Variants in MED13L observed in about 807,000 individuals in gnomAD.
MED13L encodes mediator of RNA polymerase II transcription subunit 13-like.
MED13L carries 7 observed loss-of-function variants against 220.9 expected under a neutral mutation model. That is an observed-to-expected ratio of 0.03 (90% CI 0.02 to 0.06). The LOEUF (loss-of-function observed/expected upper bound fraction) is 0.06, where lower values mean the gene tolerates loss of function less well. MED13L is among the 10% of genes least tolerant of loss of function. The probability of loss-of-function intolerance (pLI) is 1.00; values close to 1 mark genes in which losing one functional copy is unlikely to be tolerated. For synonymous variants in MED13L, 1,011 were observed against 1,015.2 expected (o/e 1.00, Z 0.08); for missense variants, 1,965 against 2,760.5 (o/e 0.71, Z 6.46).
At chr12:116,063,482 C>T (rs545310974) in intron 4 of MED13L, among the ~76,000 whole-genome samples, 3 of 152,284 alleles carry the variant, frequency 2.0e-5, no homozygotes, top group South Asian at 2.1e-4. Flanking sequence ...CGTGCCACTG[C>T]ACTTCAGCCT....
intron 13 of MED13L, 47 bp from the exon 14 acceptor site, chr12:116,003,149 A>T: frequency 6.6e-7 from 1 of 1,524,870 alleles, no homozygotes; most frequent in Non-Finnish European, 9.1e-7. Flanking sequence ...GTATATAAGT[A>T]GGGCAGCATT....
At chr12:115,979,600 G>C (rs1033027997) in intron 23 of MED13L, among the ~76,000 whole-genome samples, 1 of 152,140 alleles carries the variant, frequency 6.6e-6, no homozygotes, top group Non-Finnish European at 1.5e-5. Context: ...TTAACTACTT[G>C]CATCATTTTT....
At chr12:116,266,012 A>G (rs910958866) in intron 1 of MED13L, among the ~76,000 whole-genome samples, 1 of 152,228 alleles carries the variant, frequency 6.6e-6, no homozygotes, top group Non-Finnish European at 1.5e-5. Context: ...TAAATAGTGC[A>G]TGCAGATCTT....
At chr12:116,148,051 C>CAAAAAAAAAAAAAAAAAAAAAAAAAAA (rs10678970) in intron 2 of MED13L, among the ~76,000 whole-genome samples, 2 of 18,140 alleles carry the variant, frequency 1.1e-4, no homozygotes, top group Non-Finnish European at 1.9e-4. Context: ...GACCCCATCT[C>CAAAAAAAAAAAAAAAAAAAAAAAAAAA]AAAAAAAAAA....
chr12:116,095,594 A>C (rs1216628624), intron 4 of MED13L, among the ~76,000 whole-genome samples: 1 of 152,202 alleles, frequency 6.6e-6, no homozygotes, highest in Non-Finnish European at 1.5e-5. Flanking sequence ...GAAATTTTGC[A>C]ACCAAAAGAA....
At chr12:116,083,830 C>A (rs571619730) in intron 4 of MED13L, among the ~76,000 whole-genome samples, 1 of 152,296 alleles carries the variant, frequency 6.6e-6, no homozygotes, top group Non-Finnish European at 1.5e-5. Context: ...GTACCTTCAA[C>A]TGATTCTGAA....
chr12:116,234,789 T>C (rs1040479900), intron 2 of MED13L, among the ~76,000 whole-genome samples: 1 of 151,964 alleles, frequency 6.6e-6, no homozygotes, highest in African/African-American at 2.4e-5. Context: ...ACCCGAGTAG[T>C]TGGAATTACA....
At chr12:116,240,144 G>A (rs570406687) in intron 1 of MED13L, among the ~76,000 whole-genome samples, 7 of 150,768 alleles carry the variant, frequency 4.6e-5, no homozygotes, top group Non-Finnish European at 8.8e-5. Flanking sequence ...ATGGAGCCTC[G>A]CTCTGTCACC....
intron 1 of MED13L, among the ~76,000 whole-genome samples, chr12:116,256,973 C>T (rs1872117896): frequency 6.6e-6 from 1 of 152,154 alleles, no homozygotes; most frequent in African/African-American, 2.4e-5. Context: ...CCGTGCCCAG[C>T]CCAAAACAAA....
intron 1 of MED13L, among the ~76,000 whole-genome samples, chr12:116,269,007 T>C (rs1441628661): frequency 2.6e-5 from 4 of 152,224 alleles, no homozygotes; most frequent in African/African-American, 9.6e-5. Context: ...TAGGTAAACA[T>C]GTGCCATGGT....
At chr12:116,016,070 G>C (rs1240226564) in intron 7 of MED13L, among the ~76,000 whole-genome samples, 1 of 151,932 alleles carries the variant, frequency 6.6e-6, no homozygotes, top group African/African-American at 2.4e-5. Flanking sequence ...TCTTATATAA[G>C]ACAAATACTA....
At chr12:116,256,682 CT>C (rs35608298) in intron 1 of MED13L, among the ~76,000 whole-genome samples, 79 of 96,250 alleles carry the variant, frequency 8.2e-4, no homozygotes, top group Middle Eastern at 6.8e-3. Flanking sequence ...AAACAAACTA[CT>C]TTTTTTTTTT....
intron 4 of MED13L, among the ~76,000 whole-genome samples, chr12:116,091,752 CA>C (rs535220861): frequency 1.2e-4 from 18 of 152,300 alleles, no homozygotes; most frequent in Admixed American, 1.1e-3. Flanking sequence ...ACATAATTGC[CA>C]AATCTAATAG....
intron 2 of MED13L, among the ~76,000 whole-genome samples, chr12:116,152,086 T>C (rs1337185272): frequency 6.6e-6 from 1 of 152,184 alleles, no homozygotes; most frequent in Non-Finnish European, 1.5e-5. Flanking sequence ...GGCTCTATCC[T>C]ACATGGAAAT....
At chr12:115,985,291 C>G (rs1482022056) in intron 19 of MED13L, among the ~76,000 whole-genome samples, 11 of 152,194 alleles carry the variant, frequency 7.2e-5, no homozygotes, top group Non-Finnish European at 1.5e-4. Flanking sequence ...TATATATGCC[C>G]TGACCAGACA....
In MED13L at chr12:116,237,884, C is replaced by G. The variant is rs17498914; in HGVS notation, c.73-179G>C. 0.17 allele frequency among the ~76,000 whole-genome samples: 26,151 copies of G among 152,092 alleles called. 2,484 individuals are homozygous for G. Among genetic ancestry groups the G allele is most frequent in the Middle Eastern group, 0.27 (80 of 294 alleles). On this transcript the variant is annotated intron_variant, in intron 1 of 30. Transcript: ENST00000281928. ...TTCTCGAATTTTAAGGTGGGAGAAA[C>G]TTTCTATCAAGATTTCTACATAGCT... is the stretch of plus-strand genomic sequence containing the variant.
chr12:115,990,453 G>A (rs772153006), intron 17 of MED13L, among the ~76,000 whole-genome samples: 26 of 152,186 alleles, frequency 1.7e-4, no homozygotes, highest in African/African-American at 7.2e-5. Context: ...CAGTGAATGA[G>A]TAAGAAAAGG....
intron 4 of MED13L, among the ~76,000 whole-genome samples, chr12:116,076,043 A>T (rs1593014897): frequency 6.6e-6 from 1 of 151,302 alleles, no homozygotes; most frequent in Non-Finnish European, 1.5e-5. Context: ...CCTCCCGAGT[A>T]GCTGGGACTA....
chr12:116,213,272 G>T (rs1882812792), intron 2 of MED13L, among the ~76,000 whole-genome samples: 6 of 152,248 alleles, frequency 3.9e-5, no homozygotes, highest in Middle Eastern at 3.4e-3. Context: ...CAAGAAGGAA[G>T]GAGGGATCTC....
Sources: allele counts gnomAD v4.1 joint callset (sites outside exome capture counted in the v4.1 genomes callset), GRCh38; gene constraint gnomAD v4.1.1; transcripts MANE v1.5; gene names NCBI Gene and HGNC (gene_info 2026-07-23, HGNC 2026-07-21).